Variants in BATF observed in about 807,000 individuals in gnomAD.
The protein encoded by BATF is basic leucine zipper transcriptional factor ATF-like.
A neutral mutation model predicts 13.7 loss-of-function variants in BATF; 5 were observed. The ratio of observed to expected loss-of-function variants is 0.36; its 90% CI spans 0.19 to 0.77. BATF has a LOEUF of 0.77. Among genes scored for constraint, BATF ranks in the 30% least tolerant of loss-of-function variants. The pLI, the probability that BATF is intolerant of heterozygous loss-of-function variation, is 0.51. For synonymous variants in BATF, 72 were observed against 67.5 expected (o/e 1.07, Z -0.33); for missense variants, 124 against 163.0 (o/e 0.76, Z 1.30).
At chr14:75,533,960 G>A (rs965180722) in intron 2 of BATF, among the ~76,000 whole-genome samples, 5 of 152,120 alleles carry the variant, frequency 3.3e-5, no homozygotes, top group African/African-American at 1.2e-4. Flanking sequence ...TTTACATAAG[G>A]CCTATTGCAA....
intron 2 of BATF, among the ~76,000 whole-genome samples, chr14:75,526,970 C>G (rs569637310): frequency 6.6e-6 from 1 of 152,302 alleles, no homozygotes; most frequent in African/African-American, 2.4e-5. Flanking sequence ...AAGTGTGTAC[C>G]TGTTTTCTTA....
intron 2 of BATF, among the ~76,000 whole-genome samples, chr14:75,534,886 C>T (rs1329171387): frequency 6.6e-6 from 1 of 152,104 alleles, no homozygotes; most frequent in Non-Finnish European, 1.5e-5. Flanking sequence ...GAGACAAAAC[C>T]CAGTGTGCAT....
At chr14:75,529,192 C>T (rs1377530156) in intron 2 of BATF, among the ~76,000 whole-genome samples, 1 of 151,956 alleles carries the variant, frequency 6.6e-6, no homozygotes, top group Admixed American at 6.6e-5. Flanking sequence ...ATTAACTGAC[C>T]AACATATTAA....
Position 75,538,728 on chromosome 14 carries a change from T to C in BATF, c.169-7734T>C, listed in dbSNP as rs555791701. On this transcript the variant is annotated intron_variant, in intron 2 of 2. Coordinates refer to ENST00000286639, the MANE Select transcript of BATF (RefSeq NM_006399.5). ...CATCCTGGCTAACACGGTGAAACCA[T>C]GTCTCTACTAAAAATACAAAAAATT... is the stretch of plus-strand genomic sequence containing the variant. Among the ~76,000 whole-genome samples the C allele has an allele frequency of 8.7e-4, 132 of 152,218 alleles. 1 individual carries two copies. The highest frequency in any genetic ancestry group is 7.9e-3 in the Admixed American group (121 of 15,288).
intron 1 of BATF, among the ~76,000 whole-genome samples, chr14:75,523,767 T>C (rs1887611938): frequency 6.6e-6 from 1 of 152,128 alleles, no homozygotes; most frequent in Non-Finnish European, 1.5e-5. Context: ...AGTATATAAA[T>C]ATTGAACAGG....
At chr14:75,538,696 T>A (rs947147298) in intron 2 of BATF, among the ~76,000 whole-genome samples, 1 of 152,148 alleles carries the variant, frequency 6.6e-6, no homozygotes, top group Non-Finnish European at 1.5e-5. Flanking sequence ...GGTCAGGAGA[T>A]CGAGACCATC....
chr14:75,540,987 T>C (rs528993625), intron 2 of BATF, among the ~76,000 whole-genome samples: 4 of 152,206 alleles, frequency 2.6e-5, no homozygotes, highest in East Asian at 3.9e-4. Flanking sequence ...CCCAGAAGGC[T>C]GAGGTGGGGA....
intron 1 of BATF, 21 bp from the exon 2 acceptor site, chr14:75,525,063 C>A (rs746635958): frequency 6.3e-6 from 10 of 1,591,942 alleles, no homozygotes; most frequent in Non-Finnish European, 8.6e-6. Flanking sequence ...CCATGTAATC[C>A]TCCCCGTCTC....
intron 2 of BATF, among the ~76,000 whole-genome samples, chr14:75,536,628 C>T (rs538225351): frequency 1.6e-4 from 25 of 151,772 alleles, no homozygotes; most frequent in Admixed American, 1.4e-3. Flanking sequence ...GAGGCTGAGG[C>T]GGGAGATTTG....
chr14:75,532,366 C>T (rs1234596063), intron 2 of BATF, among the ~76,000 whole-genome samples: 2 of 152,226 alleles, frequency 1.3e-5, no homozygotes, highest in East Asian at 1.9e-4. Flanking sequence ...AAAGTAAAGA[C>T]ATGTTTACTT....
At chr14:75,525,027 C>A in intron 1 of BATF, 57 bp from the exon 2 acceptor site, 1 of 1,451,298 alleles carries the variant, frequency 6.9e-7, no homozygotes, top group Non-Finnish European at 9.5e-7. Context: ...CCAGAGCCTG[C>A]TTTCACTCAG....
intron 2 of BATF, among the ~76,000 whole-genome samples, chr14:75,534,997 T>C (rs1320258154): frequency 6.6e-6 from 1 of 152,198 alleles, no homozygotes; most frequent in Non-Finnish European, 1.5e-5. Flanking sequence ...GGATAATCAA[T>C]TTGATGATGC....
chr14:75,533,289 G>A (rs1339679928), intron 2 of BATF, among the ~76,000 whole-genome samples: 1 of 152,024 alleles, frequency 6.6e-6, no homozygotes, highest in Admixed American at 6.5e-5. Context: ...TTAGCCAGGC[G>A]TGGTGGCGGG....
chr14:75,543,698 T>C lies in BATF; in HGVS notation c.169-2764T>C, dbSNP rs537533732. On this transcript the variant is annotated intron_variant, in intron 2 of 2. Coordinates refer to ENST00000286639, the MANE Select transcript of BATF (RefSeq NM_006399.5). The stretch of plus-strand genomic sequence containing the variant: ...AGCTAATTTTCTTTTATTTTTATTA[T>C]TGTAGATACTGGGTCTCAATAATGT... Among the ~76,000 whole-genome samples, 10 of 152,128 alleles carry C rather than the reference T, an allele frequency of 6.6e-5. No individual in the cohort carries two copies. The South Asian group carries it at 2.1e-3, about 32-fold the overall frequency.
Position 75,525,138 on chromosome 14 carries a change from G to A in BATF, c.118G>A (p.Ala40Thr). 3 of 1,613,930 alleles carry A rather than the reference G, an allele frequency of 1.9e-6. No individual in the cohort carries two copies. Among genetic ancestry groups the A allele is most frequent in the Non-Finnish European group, 2.5e-6 (3 of 1,179,960 alleles). Residue 40 changes from alanine (A) to threonine (T), a missense_variant, in exon 2 of 3, where the codon GCC becomes ACC. This residue lies in a region of BATF where 65 missense variants were observed against 113.3 expected (regional missense o/e 0.57). Coordinates refer to ENST00000286639, the MANE Select transcript of BATF (RefSeq NM_006399.5). ...VQRREKNRIA[A>T]QKSRQRQTQK... Reference sequence around the variant, plus strand: ...GAGGAGGGAGAAAAATCGTATTGCCGCCCAGAAGAGCCGACAGAGGCAGAC... The same window carrying A: ...GAGGAGGGAGAAAAATCGTATTGCCACCCAGAAGAGCCGACAGAGGCAGAC...
chr14:75,537,993 T>TGGAGTGCAG, intron 2 of BATF, among the ~76,000 whole-genome samples: 2 of 152,282 alleles, frequency 1.3e-5, no homozygotes, highest in South Asian at 4.1e-4. Context: ...AAGGTTTCAC[T>TGGAGTGCAG]CTTTTCCCAG....
At chr14:75,529,943 A>G (rs1887709047) in intron 2 of BATF, among the ~76,000 whole-genome samples, 1 of 151,960 alleles carries the variant, frequency 6.6e-6, no homozygotes, top group Non-Finnish European at 1.5e-5. Flanking sequence ...GGGTGCCTGT[A>G]GTCCCAGCTA....
At chr14:75,546,352 T>C in intron 2 of BATF, 110 bp from the exon 3 acceptor site, 1 of 1,065,642 alleles carries the variant, frequency 9.4e-7, no homozygotes. Flanking sequence ...CCCTTCTCCA[T>C]GGCTGTGCTA....
Sources: gnomAD v4.1 joint callset for allele counts (sites outside exome capture counted in the v4.1 genomes callset) on GRCh38, gnomAD v4.1.1 for gene constraint, gnomAD v4.1.1 regional missense constraint, MANE v1.5 for transcripts, NCBI Gene and HGNC (gene_info 2026-07-23, HGNC 2026-07-21) for gene names.